The following FAM3B variants were observed in gnomAD, a reference collection of about 807,000 sequenced individuals.
The protein encoded by FAM3B is FAM3 metabolism regulating signaling molecule B.
In FAM3B, 29 loss-of-function variants were observed where a neutral mutation model predicts 28.4. That is an observed-to-expected ratio of 1.02 (90% CI 0.76 to 1.39). The LOEUF (loss-of-function observed/expected upper bound fraction) is 1.39, where lower values mean the gene tolerates loss of function less well. FAM3B is among the 40% of genes most tolerant of loss of function. The pLI is 0.00. For synonymous variants in FAM3B, 91 were observed against 103.0 expected (o/e 0.88, Z 0.71); for missense variants, 266 against 293.9 (o/e 0.91, Z 0.69).
intron 2 of FAM3B, among the ~76,000 whole-genome samples, chr21:41,328,501 CA>C (rs947690567): frequency 8.2e-4 from 117 of 142,342 alleles, no homozygotes; most frequent in Middle Eastern, 3.6e-3. Context: ...GGAGACTGAC[CA>C]AAAAAAAAAA....
At chr21:41,316,986 C>T in intron 1 of FAM3B, 88 bp downstream of exon 1, 3 of 1,157,908 alleles carry the variant, frequency 2.6e-6, no homozygotes, top group South Asian at 3.6e-5. Context: ...GCCTGGGACC[C>T]GCCACGCTTA....
intron 1 of FAM3B, chr21:41,320,515 A>G (rs528116044): frequency 6.6e-6 from 1 of 152,300 alleles, no homozygotes; most frequent in Non-Finnish European, 1.5e-5. Context: ...CCTGGCTACT[A>G]TGTCCTGCCC....
chr21:41,311,467 A>C (rs1326535060), intron 1 of FAM3B, among the ~76,000 whole-genome samples: 2 of 150,844 alleles, frequency 1.3e-5, no homozygotes, highest in Non-Finnish European at 3.0e-5. Flanking sequence ...TGTATTAAAA[A>C]AAAAATTAAA....
chr21:41,351,898 T>C (rs1601376446), intron 7 of FAM3B, among the ~76,000 whole-genome samples: 1 of 152,360 alleles, frequency 6.6e-6, no homozygotes, highest in East Asian at 1.9e-4. Context: ...GAGGGTAACC[T>C]GGTTCAGATC....
At chr21:41,336,069 G>A (rs184586034) in intron 2 of FAM3B, among the ~76,000 whole-genome samples, 24 of 152,266 alleles carry the variant, frequency 1.6e-4, no homozygotes, top group Admixed American at 1.2e-3. Context: ...GAGCCTCTAC[G>A]AATGGTATTA....
At chr21:41,327,057 G>A (rs1375781224) in intron 2 of FAM3B, among the ~76,000 whole-genome samples, 1 of 152,236 alleles carries the variant, frequency 6.6e-6, no homozygotes, top group Non-Finnish European at 1.5e-5. Context: ...GTGGGAGGAA[G>A]GCCCGGGTGC....
chr21:41,336,689 C>T (rs1018789973), intron 2 of FAM3B, among the ~76,000 whole-genome samples: 1 of 152,176 alleles, frequency 6.6e-6, no homozygotes, highest in Non-Finnish European at 1.5e-5. Flanking sequence ...ACATTCACTA[C>T]TATTATTGTA....
intron 7 of FAM3B, among the ~76,000 whole-genome samples, chr21:41,352,824 T>TAAACAAAC (rs1428789090): frequency 7.3e-5 from 11 of 151,634 alleles, no homozygotes; most frequent in African/African-American, 2.7e-4. Flanking sequence ...AATAAATAAA[T>TAAACAAAC]AAAGGAAGAA....
chr21:41,348,567 A>G, intron 6 of FAM3B, 25 bp from the exon 7 acceptor site: 1 of 1,614,006 alleles, frequency 6.2e-7, no homozygotes, highest in Non-Finnish European at 8.5e-7. Context: ...TGAGATGCTC[A>G]CATGCTTTTC....
intron 1 of FAM3B, among the ~76,000 whole-genome samples, chr21:41,305,545 T>C (rs1285870036): frequency 6.6e-6 from 1 of 152,238 alleles, no homozygotes; most frequent in Admixed American, 6.5e-5. Context: ...TTTGGAGATA[T>C]TGCAGATTTG....
chr21:41,313,166 T>C (rs2123686332), upstream of FAM3B, among the ~76,000 whole-genome samples: 1 of 152,366 alleles, frequency 6.6e-6, no homozygotes, highest in Admixed American at 6.5e-5. Context: ...ATCCCCTGAT[T>C]GGCTCTGTCA....
At chr21:41,348,763 G>A in intron 7 of FAM3B, 39 bp downstream of exon 7, 1 of 1,613,272 alleles carries the variant, frequency 6.2e-7, no homozygotes, top group East Asian at 2.2e-5. Flanking sequence ...CCAATGGTGA[G>A]TATAGTAAAT....
At chr21:41,323,617 G>A (rs1459678172) in intron 2 of FAM3B, among the ~76,000 whole-genome samples, 1 of 152,194 alleles carries the variant, frequency 6.6e-6, no homozygotes, top group Non-Finnish European at 1.5e-5. Flanking sequence ...CCTGCTGTGT[G>A]CTGGGCATGT....
exon 1 of FAM3B, chr21:41,304,248 G>T (rs751255959): frequency 4.6e-5 from 21 of 455,908 alleles, no homozygotes; most frequent in South Asian, 2.3e-4. Context: ...GGCTCGGCGG[G>T]CATGGCTGGG....
intron 1 of FAM3B, among the ~76,000 whole-genome samples, chr21:41,306,721 C>A (rs2123681895): frequency 6.6e-6 from 1 of 152,222 alleles, no homozygotes; most frequent in African/African-American, 2.4e-5. Context: ...TTTTCCATTT[C>A]TGGACCACAG....
upstream of FAM3B, among the ~76,000 whole-genome samples, chr21:41,314,519 A>T (rs2088733419): frequency 6.6e-6 from 1 of 152,252 alleles, no homozygotes; most frequent in Admixed American, 6.5e-5. Context: ...AATATTTTTA[A>T]AAACAGTAGT....
intron 1 of FAM3B, among the ~76,000 whole-genome samples, chr21:41,308,539 T>TC (rs201065192): frequency 3.0e-4 from 24 of 79,950 alleles, no homozygotes; most frequent in African/African-American, 6.6e-4. Flanking sequence ...TCTTTTCTTT[T>TC]TTTTTTTTTT....
At chr21:41,308,309 A>C (rs764402244) in intron 1 of FAM3B, among the ~76,000 whole-genome samples, 10 of 152,158 alleles carry the variant, frequency 6.6e-5, no homozygotes, top group South Asian at 2.1e-4. Context: ...TGTTGTGTAG[A>C]TGAAGAAGCC....
intron 2 of FAM3B, among the ~76,000 whole-genome samples, chr21:41,330,434 G>A (rs1322179895): frequency 6.6e-6 from 1 of 152,092 alleles, no homozygotes; most frequent in Non-Finnish European, 1.5e-5. Context: ...GCATCCACTC[G>A]GCATCTTGGA....
Sources: allele counts gnomAD v4.1 joint callset (sites outside exome capture counted in the v4.1 genomes callset), GRCh38; gene constraint gnomAD v4.1.1; transcripts MANE v1.5; gene names NCBI Gene and HGNC (gene_info 2026-07-23, HGNC 2026-07-21).